FGF12: variants seen among roughly 807,000 people sequenced by gnomAD.
The protein encoded by FGF12 is fibroblast growth factor 12.
Under a neutral mutation model 23.6 loss-of-function variants are expected in FGF12, and 14 were observed. The ratio of observed to expected loss-of-function variants is 0.59; its 90% confidence interval spans 0.39 to 0.93. The LOEUF (loss-of-function observed/expected upper bound fraction) is 0.93. FGF12 is among the 40% of genes least tolerant of loss of function. The pLI, the probability that FGF12 is intolerant of heterozygous loss-of-function variation, is 0.00. For missense variants in FGF12, 175 were observed against 217.8 expected, an observed-to-expected ratio of 0.80 and a Z score of 1.24; for synonymous variants, 62 against 77.3, an observed-to-expected ratio of 0.80 and a Z score of 1.04.
intron 2 of FGF12, among the ~76,000 whole-genome samples, chr3:192,396,539 C>T (rs1051883011): frequency 6.6e-6 from 1 of 152,198 alleles, no homozygotes; most frequent in African/African-American, 2.4e-5. Flanking sequence ...GTTGTATGAC[C>T]TAACACCCAC....
chr3:192,631,198 G>T (rs1302735629), intron 2 of FGF12, among the ~76,000 whole-genome samples: 2 of 151,948 alleles, frequency 1.3e-5, no homozygotes, highest in Non-Finnish European at 2.9e-5. Flanking sequence ...CTATTTGCTG[G>T]CCCGAATTTG....
intron 2 of FGF12, among the ~76,000 whole-genome samples, chr3:192,414,496 G>T (rs1032889658): frequency 2.0e-5 from 3 of 152,094 alleles, no homozygotes; most frequent in African/African-American, 7.2e-5. Flanking sequence ...AATAAAATAA[G>T]AATGTGCAGA....
chr3:192,353,745 G>A (rs1401249490), intron 3 of FGF12, among the ~76,000 whole-genome samples: 1 of 152,152 alleles, frequency 6.6e-6, no homozygotes, highest in Non-Finnish European at 1.5e-5. Flanking sequence ...AGAATCTGGA[G>A]GAGTTATCCC....
intron 2 of FGF12, among the ~76,000 whole-genome samples, chr3:192,702,493 C>A (rs1331119664): frequency 6.6e-6 from 1 of 150,680 alleles, no homozygotes; most frequent in African/African-American, 2.5e-5. Flanking sequence ...GGGTAATATT[C>A]ATGCCCAAAT....
intron 2 of FGF12, among the ~76,000 whole-genome samples, chr3:192,501,099 T>C (rs6791926): frequency 0.095 from 14,397 of 152,238 alleles, 765 homozygotes; most frequent in Admixed American, 0.19. Context: ...TAAAGTTAGA[T>C]ATAATTTATA....
chr3:192,205,916 T>A (rs1229992327), intron 4 of FGF12, among the ~76,000 whole-genome samples: 2 of 151,894 alleles, frequency 1.3e-5, no homozygotes, highest in Non-Finnish European at 2.9e-5. Context: ...GTTCAAAGAA[T>A]GTGGTGCTCT....
At chr3:192,378,084 T>TTCTTTCTTTCTCTCTC (rs1719639968) in intron 2 of FGF12, among the ~76,000 whole-genome samples, 1 of 114,376 alleles carries the variant, frequency 8.7e-6, no homozygotes, top group African/African-American at 4.3e-5. Flanking sequence ...CTTTCTTTCT[T>TTCTTTCTTTCTCTCTC]TCTTTCTTTC....
intron 4 of FGF12, among the ~76,000 whole-genome samples, chr3:192,292,141 TC>T (rs1446863635): frequency 6.6e-6 from 1 of 152,184 alleles, no homozygotes; most frequent in Non-Finnish European, 1.5e-5. Context: ...TTGCTCAGAA[TC>T]AGAAGTTTGT....
At chr3:192,185,312 G>A (rs920754275) in intron 4 of FGF12, among the ~76,000 whole-genome samples, 3 of 152,172 alleles carry the variant, frequency 2.0e-5, no homozygotes, top group African/African-American at 7.2e-5. Flanking sequence ...TACTTGCACA[G>A]TAGCTGGCAT....
chr3:192,710,801 G>A (rs6792839), intron 2 of FGF12, among the ~76,000 whole-genome samples: 8,796 of 152,228 alleles, frequency 0.058, 463 homozygotes, highest in East Asian at 0.19. Flanking sequence ...ATAGTGGACA[G>A]AGTGAATACC....
intron 2 of FGF12, among the ~76,000 whole-genome samples, chr3:192,556,419 A>T (rs1395676354): frequency 1.3e-5 from 2 of 152,194 alleles, no homozygotes; most frequent in Admixed American, 1.3e-4. Flanking sequence ...GTTATAAGAG[A>T]CAAAGAAGGA....
At chr3:192,652,586 C>T (rs975927269) in intron 2 of FGF12, among the ~76,000 whole-genome samples, 4 of 152,174 alleles carry the variant, frequency 2.6e-5, no homozygotes, top group African/African-American at 9.7e-5. Context: ...AAGTGTGGTG[C>T]CCAAATCAAC....
chr3:192,471,796 A>G (rs1403217683), intron 2 of FGF12, among the ~76,000 whole-genome samples: 1 of 152,206 alleles, frequency 6.6e-6, no homozygotes, highest in Non-Finnish European at 1.5e-5. Flanking sequence ...GGAACTGGGA[A>G]GTCTCTAAAT....
At chr3:192,378,961 C>T (rs114774358) in intron 2 of FGF12, among the ~76,000 whole-genome samples, 1 of 152,134 alleles carries the variant, frequency 6.6e-6, no homozygotes, top group Non-Finnish European at 1.5e-5. Flanking sequence ...TTCTTTGTGT[C>T]CATGATTTCT....
intron 2 of FGF12, among the ~76,000 whole-genome samples, chr3:192,437,963 C>G (rs781727736): frequency 5.9e-5 from 9 of 152,176 alleles, no homozygotes; most frequent in Non-Finnish European, 1.2e-4. Flanking sequence ...TCTTCTTTGG[C>G]AGTCATATCC....
intron 2 of FGF12, among the ~76,000 whole-genome samples, chr3:192,424,470 T>A (rs551850865): frequency 6.6e-6 from 1 of 152,306 alleles, no homozygotes; most frequent in African/African-American, 2.4e-5. Flanking sequence ...TTGCCTTTAA[T>A]ATATGTGTTA....
In FGF12 at chr3:192,673,415, T is replaced by C. The variant is rs909853187; in HGVS notation, c.13+53766A>G. 15 of 151,260 alleles carry C rather than the reference T, an allele frequency of 9.9e-5. 1 individual carries two copies. The highest frequency in any genetic ancestry group is 1.9e-4 in the Non-Finnish European group (13 of 67,570). The allele number at this position is 151,260 out of a possible 1,614,324, so 9.4% of individuals were successfully genotyped here. A position where few individuals can be genotyped will look rare whatever the true frequency, so the allele number is the denominator to read the frequency against. On this transcript the variant is annotated intron_variant, in intron 2 of 5. Coordinates refer to ENST00000445105, the MANE Select transcript of FGF12 (RefSeq NM_004113.6). ...ATTTTATTTTAGGTTCTGGGATACA[T>C]GTGTAGAACGTGCAGGTTGGTTACA...
intron 4 of FGF12, among the ~76,000 whole-genome samples, chr3:192,229,397 T>C (rs942214436): frequency 2.0e-5 from 3 of 152,052 alleles, no homozygotes; most frequent in African/African-American, 4.8e-5. Flanking sequence ...ACTTCTCTCA[T>C]AGGGAAAGTG....
chr3:192,702,649 A>C (rs901312945), intron 2 of FGF12, among the ~76,000 whole-genome samples: 3 of 152,034 alleles, frequency 2.0e-5, no homozygotes, highest in African/African-American at 7.2e-5. Flanking sequence ...AAAATTAGCC[A>C]GGTATGGTGG....
Sources: allele counts gnomAD v4.1 joint callset (sites outside exome capture counted in the v4.1 genomes callset), GRCh38; gene constraint gnomAD v4.1.1; transcripts MANE v1.5; gene names NCBI Gene and HGNC (gene_info 2026-07-23, HGNC 2026-07-21).